FBXL20: variants seen among roughly 807,000 people sequenced by gnomAD.
FBXL20 encodes F-box/LRR-repeat protein 20.
FBXL20 carries 11 observed loss-of-function variants against 64.0 expected under a neutral mutation model. That is an observed-to-expected ratio of 0.17 (90% CI 0.11 to 0.28). The LOEUF is 0.28. Ranked by LOEUF, FBXL20 falls within the 10% of genes least tolerant of loss-of-function variation. FBXL20 has a pLI of 1.00. For missense variants in FBXL20, 303 were observed against 526.2 expected (o/e 0.58, Z 4.15); for synonymous variants, 184 against 189.0 (o/e 0.97, Z 0.22).
Position 39,259,504 on chromosome 17 carries a change from C to T in FBXL20, c.*1956G>A, listed in dbSNP as rs2046726010. The T allele has an allele frequency of 6.6e-6, 1 of 151,998 alleles. No homozygotes were observed. Among genetic ancestry groups the T allele is most frequent in the Non-Finnish European group, 1.5e-5 (1 of 68,006 alleles). The allele number at this position is 151,998 out of a possible 1,614,324, so 9.4% of individuals were successfully genotyped here. ...ATGCTTTAAAAACTCATTTTACTTC[C>T]TTTATCCTCTGATTTTTTGGGAAGA... On this transcript the variant is annotated 3_prime_UTR_variant, in exon 15 of 15. Coordinates refer to ENST00000264658, the MANE Select transcript of FBXL20 (RefSeq NM_032875.3).
In FBXL20 at chr17:39,286,742, G is replaced by A. The variant is rs555963288; in HGVS notation, c.399-1169C>T. Among the ~76,000 whole-genome samples the A allele has an allele frequency of 1.2e-3, 189 of 151,696 alleles. 1 individual carries two copies. The highest frequency in any genetic ancestry group is 4.3e-3 in the African/African-American group (179 of 41,432). On this transcript the variant is annotated intron_variant, in intron 6 of 14. Coordinates refer to ENST00000264658, the MANE Select transcript of FBXL20 (RefSeq NM_032875.3). ...GAGCCCAGGAGGCGGAGGTTGCAGC[G>A]AGCCAAGATTGCACCATTGCACTCC... is the stretch of plus-strand genomic sequence containing the variant.
At chr17:39,299,135 A>T in intron 4 of FBXL20, 51 bp from the exon 5 acceptor site, 1 of 1,227,754 alleles carries the variant, frequency 8.1e-7, no homozygotes, top group Non-Finnish European at 1.2e-6. Context: ...ATTACTTTAG[A>T]AAAGAACACA....
chr17:39,274,795 T>G (rs1301928167), intron 10 of FBXL20, among the ~76,000 whole-genome samples, 175 bp downstream of exon 10: 1 of 152,212 alleles, frequency 6.6e-6, no homozygotes, highest in Non-Finnish European at 1.5e-5. Context: ...TCACACCAAT[T>G]ACATGAAATC....
At chr17:39,371,402 G>C (rs1318863693) in intron 1 of FBXL20, among the ~76,000 whole-genome samples, 1 of 151,952 alleles carries the variant, frequency 6.6e-6, no homozygotes, top group Non-Finnish European at 1.5e-5. Flanking sequence ...ATTGGATGGA[G>C]GGCATTCTCT....
chr17:39,289,781 G>A (rs943514758), intron 6 of FBXL20, among the ~76,000 whole-genome samples: 1 of 151,884 alleles, frequency 6.6e-6, no homozygotes, highest in African/African-American at 2.4e-5. Context: ...GATCAGTTGA[G>A]GCCAGTAGTT....
upstream of FBXL20, chr17:39,401,829 C>T (rs1188521295): frequency 3.5e-6 from 2 of 572,054 alleles, no homozygotes; most frequent in Non-Finnish European, 4.7e-6. Flanking sequence ...CGGTGCGCGG[C>T]GGCGGCACGA....
chr17:39,361,364 G>C (rs2047791957), intron 1 of FBXL20, among the ~76,000 whole-genome samples: 2 of 152,136 alleles, frequency 1.3e-5, no homozygotes. Flanking sequence ...CTATGATAAA[G>C]TAACATGAGA....
At position 39,342,560 on chromosome 17, in the gene FBXL20, C is replaced by G. The variant is rs370343932; in HGVS notation, c.104+620G>C. Reference sequence around the variant, plus strand: ...GAAATCCCGTCTCTACTAAAAAATACAAAAAAATTAGCCAGGCATGGTGGC... The same window carrying G: ...GAAATCCCGTCTCTACTAAAAAATAGAAAAAAATTAGCCAGGCATGGTGGC... On this transcript the variant is annotated intron_variant, in intron 2 of 14. Coordinates refer to ENST00000264658, the MANE Select transcript of FBXL20 (RefSeq NM_032875.3). 3.3e-5 allele frequency among the ~76,000 whole-genome samples: 5 copies of G among 151,998 alleles called. No homozygotes were observed. The East Asian group carries it at 7.7e-4, about 23-fold the overall frequency.
chr17:39,283,077 A>C (rs538711350), intron 7 of FBXL20, among the ~76,000 whole-genome samples: 2 of 152,318 alleles, frequency 1.3e-5, no homozygotes, highest in Non-Finnish European at 2.9e-5. Context: ...ACCAACAAAC[A>C]CAAAGCATTA....
rs181631143 is a variant in FBXL20 at position 39,391,478 on chromosome 17, G to A, written c.42+9883C>T. 3.9e-5 allele frequency among the ~76,000 whole-genome samples: 6 copies of A among 151,934 alleles called. No individual in the cohort carries two copies. The East Asian group carries it at 9.7e-4, about 24-fold the overall frequency. ...GTTGAGACAATGTAGGTCCAGAGACGTAACTTACCCAAGGTCCCACAGACA... is the reference window on the plus strand; with the variant it reads ...GTTGAGACAATGTAGGTCCAGAGACATAACTTACCCAAGGTCCCACAGACA... On this transcript the variant is annotated intron_variant, in intron 1 of 14. Coordinates refer to ENST00000264658, the MANE Select transcript of FBXL20 (RefSeq NM_032875.3).
At chr17:39,326,599 G>C (rs764107187) in intron 2 of FBXL20, among the ~76,000 whole-genome samples, 2 of 151,422 alleles carry the variant, frequency 1.3e-5, no homozygotes, top group African/African-American at 4.8e-5. Flanking sequence ...TCCAGCCTGC[G>C]TGACAGAGCA....
intron 2 of FBXL20, among the ~76,000 whole-genome samples, chr17:39,339,936 G>A (rs1224881691): frequency 6.6e-6 from 1 of 151,482 alleles, no homozygotes; most frequent in African/African-American, 2.4e-5. Flanking sequence ...ATGAGCCACC[G>A]TAACTGGATT....
intron 6 of FBXL20, among the ~76,000 whole-genome samples, chr17:39,295,774 C>T (rs1158376562): frequency 7.9e-6 from 1 of 127,220 alleles, no homozygotes; most frequent in African/African-American, 3.2e-5. Context: ...TGAAAATATG[C>T]AAATATGGAG....
rs979849004 is a variant in FBXL20 at position 39,255,472 on chromosome 17, G to A, written c.*5988C>T. The A allele has an allele frequency of 6.6e-6, 1 of 151,902 alleles. No homozygotes were observed. Among genetic ancestry groups the A allele is most frequent in the African/African-American group, 2.4e-5 (1 of 41,354 alleles). The allele number at this position is 151,902 out of a possible 1,614,324, so 9.4% of individuals were successfully genotyped here. ...AAATAAATAAATACAACAGGTAGAT[G>A]TGACTTGAGGGGGAAGCTGCAGAAG... On this transcript the variant is annotated 3_prime_UTR_variant, in exon 15 of 15. Transcript: ENST00000264658.
intron 1 of FBXL20, among the ~76,000 whole-genome samples, chr17:39,360,956 T>C (rs911636874): frequency 9.2e-5 from 14 of 152,188 alleles, no homozygotes; most frequent in African/African-American, 3.4e-4. Context: ...TTTCCCAGAT[T>C]CTAGTAGCAA....
intron 2 of FBXL20, among the ~76,000 whole-genome samples, chr17:39,335,785 C>T (rs2047515945): frequency 6.6e-6 from 1 of 152,062 alleles, no homozygotes; most frequent in South Asian, 2.1e-4. Flanking sequence ...ACAGTGGATT[C>T]CAGCTTGTTA....
intron 2 of FBXL20, among the ~76,000 whole-genome samples, chr17:39,339,227 C>T (rs900611261): frequency 8.7e-5 from 13 of 149,564 alleles, no homozygotes; most frequent in African/African-American, 2.7e-4. Context: ...TCTGCCCCAT[C>T]TGTATAAAAA....
chr17:39,401,489 ACG>A lies in FBXL20; in HGVS notation c.-89_-88del. The A allele has an allele frequency of 6.6e-7, 1 of 1,514,302 alleles. No individual in the cohort carries two copies. Among genetic ancestry groups the A allele is most frequent in the Non-Finnish European group, 8.8e-7 (1 of 1,135,786 alleles). The allele number at this position is 1,514,302 out of a possible 1,614,324, so 93.8% of individuals were successfully genotyped here. A position where few individuals can be genotyped will look rare whatever the true frequency, so the allele number is the denominator to read the frequency against. Reference sequence around the variant, plus strand: ...CCAGGACAGGCCCGGGAGTTCCGGGACGGGGACTGGGCGCCGGAGGGGTGACG... The same window carrying A: ...CCAGGACAGGCCCGGGAGTTCCGGGAGGGACTGGGCGCCGGAGGGGTGACG... On this transcript the variant is annotated 5_prime_UTR_variant, in exon 1 of 15. Coordinates refer to ENST00000264658, the MANE Select transcript of FBXL20 (RefSeq NM_032875.3).
At chr17:39,263,874 C>CT (rs751141112) in intron 14 of FBXL20, 7,829 of 159,766 alleles carry the variant, frequency 0.049, 165 homozygotes, top group Non-Finnish European at 0.068. Context: ...GTGGCATGTG[C>CT]TTTTTTTTTT....
Sources: allele counts gnomAD v4.1 joint callset (sites outside exome capture counted in the v4.1 genomes callset), GRCh38; gene constraint gnomAD v4.1.1; transcripts MANE v1.5; gene names NCBI Gene and HGNC (gene_info 2026-07-23, HGNC 2026-07-21).